Variants in PDIA5 observed in about 807,000 individuals in gnomAD.
The protein encoded by PDIA5 is protein disulfide isomerase family A member 5, also known as protein disulfide-isomerase A5.
A neutral mutation model predicts 77.6 loss-of-function variants in PDIA5; 58 were observed. That is an observed-to-expected ratio of 0.75 (90% CI 0.61 to 0.93). The LOEUF is 0.93. Ranked by LOEUF, PDIA5 falls within the 40% of genes least tolerant of loss-of-function variation. PDIA5 has a pLI of 0.00. For missense variants in PDIA5, 630 were observed against 647.7 expected (o/e 0.97, Z 0.30); for synonymous variants, 250 against 252.1 (o/e 0.99, Z 0.08).
intron 3 of PDIA5, among the ~76,000 whole-genome samples, chr3:123,095,329 T>A (rs1447451555): frequency 2.6e-5 from 4 of 152,180 alleles, no homozygotes; most frequent in Non-Finnish European, 4.4e-5. Context: ...AGAAGTGGTA[T>A]GCTTGTTCAC....
chr3:123,145,579 A>G lies in PDIA5; in HGVS notation c.968A>G (p.His323Arg), dbSNP rs1450481314. 6.2e-7 allele frequency: 1 copy of G among 1,613,026 alleles called. No homozygotes were observed. Among genetic ancestry groups the G allele is most frequent in the Non-Finnish European group, 8.5e-7 (1 of 1,179,092 alleles). Residue 323 changes from histidine to arginine, a missense_variant, in exon 12 of 17, where the codon CAT becomes CGT. His to Arg is a conservative substitution (Grantham distance 29, BLOSUM62 0). Coordinates refer to ENST00000316218, the MANE Select transcript of PDIA5 (RefSeq NM_006810.4). ...PEFEKAAEAL[H>R]GEADSSGVLA... ...TTTGAGAAGGCAGCAGAAGCCCTCC[A>G]TGGAGAAGCGGATGTAAGCTTCCTT...
In PDIA5 at chr3:123,151,734, T is replaced by TCCTGCCTGCCTGCCTGCCTGCCTG. The variant is rs67239583; in HGVS notation, c.1273+1395_1273+1418dup. ...TGCCAAAGATCTACAACTCCTTCCT[T>TCCTGCCTGCCTGCCTGCCTGCCTG]CCTGCCTGCCTGCCTGCCTGCCTGC... On this transcript the variant is annotated intron_variant, in intron 14 of 16. Transcript: ENST00000316218. Among the ~76,000 whole-genome samples the TCCTGCCTGCCTGCCTGCCTGCCTG allele has an allele frequency of 6.3e-5, 7 of 111,474 alleles. 1 individual carries two copies. Among genetic ancestry groups the TCCTGCCTGCCTGCCTGCCTGCCTG allele is most frequent in the East Asian group, 5.8e-4 (2 of 3,424 alleles). The allele number at this position is 111,474 out of a possible 152,430, so 73.1% of individuals were successfully genotyped here. A position where few individuals can be genotyped will look rare whatever the true frequency, so the allele number is the denominator to read the frequency against.
intron 1 of PDIA5, among the ~76,000 whole-genome samples, chr3:123,072,748 G>A (rs1933753929): frequency 6.6e-6 from 1 of 152,210 alleles, no homozygotes; most frequent in South Asian, 2.1e-4. Context: ...CCCCAGCTTT[G>A]TGGTTTTATT....
intron 5 of PDIA5, among the ~76,000 whole-genome samples, chr3:123,105,666 A>G (rs1808988): frequency 0.78 from 118,462 of 151,964 alleles, 46,241 homozygotes; most frequent in African/African-American, 0.81. Context: ...GTGTGTGACC[A>G]GTGGATGGGC....
chr3:123,122,845 C>G (rs530897663), intron 8 of PDIA5, among the ~76,000 whole-genome samples: 1 of 152,338 alleles, frequency 6.6e-6, no homozygotes, highest in South Asian at 2.1e-4. Context: ...GTTCAGCTTC[C>G]TGGGTTTCTT....
intron 13 of PDIA5, among the ~76,000 whole-genome samples, chr3:123,148,059 A>C (rs1935809235): frequency 6.6e-6 from 1 of 152,154 alleles, no homozygotes; most frequent in African/African-American, 2.4e-5. Flanking sequence ...AGGTTTAAAT[A>C]CTTTCTTAAG....
chr3:123,085,417 C>T (rs1288314280), intron 1 of PDIA5, among the ~76,000 whole-genome samples: 8 of 152,136 alleles, frequency 5.3e-5, no homozygotes, highest in East Asian at 1.9e-4. Context: ...ATTTGCTCAG[C>T]GCGTTTCTGG....
intron 11 of PDIA5, among the ~76,000 whole-genome samples, chr3:123,141,754 CA>C (rs11329847): frequency 0.015 from 2,324 of 152,186 alleles, 56 homozygotes; most frequent in African/African-American, 0.051. Flanking sequence ...TAGTGAGAAG[CA>C]AAAAAATAAT....
intron 7 of PDIA5, among the ~76,000 whole-genome samples, chr3:123,112,282 G>T (rs939864632): frequency 1.3e-5 from 2 of 152,190 alleles, no homozygotes; most frequent in Admixed American, 1.3e-4. Context: ...AGGCAGGTGT[G>T]CCTAGGTGTG....
chr3:123,071,008 G>A (rs889772884), intron 1 of PDIA5, among the ~76,000 whole-genome samples: 4 of 152,064 alleles, frequency 2.6e-5, no homozygotes, highest in Admixed American at 6.5e-5. Context: ...CTGACATGAC[G>A]ATATTTTGAG....
At chr3:123,123,136 A>G (rs1560533433) in intron 8 of PDIA5, among the ~76,000 whole-genome samples, 1 of 152,108 alleles carries the variant, frequency 6.6e-6, no homozygotes. Context: ...TACTAGCCGG[A>G]CATACTGCCA....
chr3:123,071,682 G>A (rs911434994), intron 1 of PDIA5, among the ~76,000 whole-genome samples: 15 of 152,200 alleles, frequency 9.9e-5, no homozygotes, highest in African/African-American at 3.4e-4. Context: ...GATCCAGGAC[G>A]AGGCCAAGCA....
At chr3:123,122,523 A>G (rs16833962) in intron 8 of PDIA5, among the ~76,000 whole-genome samples, 3,395 of 152,282 alleles carry the variant, frequency 0.022, 39 homozygotes, top group Non-Finnish European at 0.033. Context: ...ACTTAAAACA[A>G]TTGGAAAGAT....
intron 11 of PDIA5, among the ~76,000 whole-genome samples, chr3:123,143,415 G>C (rs1049313860): frequency 6.7e-6 from 1 of 149,880 alleles, no homozygotes; most frequent in East Asian, 2.0e-4. Context: ...GAGAGGCACT[G>C]TCTGGTACCT....
At chr3:123,152,942 T>C (rs191313307) in intron 14 of PDIA5, among the ~76,000 whole-genome samples, 5 of 151,992 alleles carry the variant, frequency 3.3e-5, no homozygotes, top group Middle Eastern at 3.4e-3. Context: ...CGTCTTTGGT[T>C]TTCTGCTACA....
At position 123,150,378 on chromosome 3, in the gene PDIA5, G is replaced by T. The variant is rs1251097358; in HGVS notation, c.1273+14G>T. On this transcript the variant is annotated intron_variant, in intron 14 of 16. Transcript: ENST00000316218. ...TCTACGCCCCTTGTAAGTAGCTTGG[G>T]TGCTCACTGAGTGGCACAGTAAGAG... is the stretch of plus-strand genomic sequence containing the variant. 6.2e-7 allele frequency: 1 copy of T among 1,611,584 alleles called. No individual in the cohort carries two copies. Among genetic ancestry groups the T allele is most frequent in the East Asian group, 2.2e-5 (1 of 44,848 alleles).
Position 123,106,825 on chromosome 3 carries a change from A to G in PDIA5, c.464A>G (p.His155Arg). Residue 155 changes from histidine to arginine, a missense_variant, in exon 6 of 17, where the codon CAC (histidine) becomes CGC (arginine). Transcript: ENST00000316218. ...EEDPGAKDVV[H>R]LDSEKDFRRL... ...GATCCTGGAGCCAAAGATGTTGTCCACCTTGACAGTGAAAAGGTAATGTAT... is the reference window on the plus strand; with the variant it reads ...GATCCTGGAGCCAAAGATGTTGTCCGCCTTGACAGTGAAAAGGTAATGTAT... 6.2e-7 allele frequency: 1 copy of G among 1,610,726 alleles called. No individual in the cohort carries two copies. The highest frequency in any genetic ancestry group is 8.5e-7 in the Non-Finnish European group (1 of 1,178,094).
At chr3:123,125,831 T>C (rs1935235839) in intron 10 of PDIA5, among the ~76,000 whole-genome samples, 1 of 152,206 alleles carries the variant, frequency 6.6e-6, no homozygotes, top group Non-Finnish European at 1.5e-5. Flanking sequence ...CTACCTCATT[T>C]CCAGCCCCTG....
chr3:123,093,262 TG>T (rs1934345798), intron 3 of PDIA5, among the ~76,000 whole-genome samples: 14 of 145,022 alleles, frequency 9.7e-5, no homozygotes, highest in Non-Finnish European at 1.5e-4. Flanking sequence ...GTAGAGGGTG[TG>T]TGTGTGTGTG....
Sources: gnomAD v4.1 joint callset for allele counts (sites outside exome capture counted in the v4.1 genomes callset) on GRCh38, gnomAD v4.1.1 for gene constraint, MANE v1.5 for transcripts, NCBI Gene and HGNC (gene_info 2026-07-23, HGNC 2026-07-21) for gene names.